The following CFAP95 variants were observed in gnomAD, a reference collection of about 807,000 sequenced individuals.
The protein encoded by CFAP95 is cilia- and flagella-associated protein 95.
the CFAP95 span, among the ~76,000 whole-genome samples, chr9:69,883,796 A>C: frequency 6.7e-6 from 1 of 149,478 alleles, no homozygotes; most frequent in Non-Finnish European, 1.5e-5. Flanking sequence ...GTCTGGCTAA[A>C]GGTTTGTCAA....
chr9:69,821,029 C>A, the CFAP95 span: 4 of 1,613,056 alleles, frequency 2.5e-6, no homozygotes, highest in East Asian at 8.9e-5. Flanking sequence ...TGGTGTATTC[C>A]TGGTGAGCGA....
the CFAP95 span, among the ~76,000 whole-genome samples, chr9:69,848,137 A>C: frequency 6.6e-5 from 10 of 152,210 alleles, no homozygotes; most frequent in Non-Finnish European, 1.2e-4. Flanking sequence ...GAAGTTAGAC[A>C]CAAGACTCTG....
chr9:69,883,880 C>A, the CFAP95 span, among the ~76,000 whole-genome samples: 9 of 151,232 alleles, frequency 6.0e-5, no homozygotes, highest in East Asian at 1.4e-3. Context: ...ATTTCAAATT[C>A]ATTTATTTCT....
At chr9:69,837,077 T>G in the CFAP95 span, among the ~76,000 whole-genome samples, 8 of 150,786 alleles carry the variant, frequency 5.3e-5, no homozygotes, top group Non-Finnish European at 1.2e-4. Flanking sequence ...TTTTTATGGC[T>G]GCATAGTATT....
chr9:69,854,753 G>T, the CFAP95 span, among the ~76,000 whole-genome samples: 1 of 152,206 alleles, frequency 6.6e-6, no homozygotes, highest in African/African-American at 2.4e-5. Flanking sequence ...GGAGGAGAGG[G>T]AGCTTGGACA....
the CFAP95 span, among the ~76,000 whole-genome samples, chr9:69,832,009 G>T: frequency 6.6e-6 from 1 of 152,132 alleles, no homozygotes; most frequent in African/African-American, 2.4e-5. Flanking sequence ...CATGTATCTA[G>T]CGTCAACACA....
the CFAP95 span, among the ~76,000 whole-genome samples, chr9:69,861,743 A>AC: frequency 2.0e-5 from 3 of 150,970 alleles, no homozygotes; most frequent in African/African-American, 7.4e-5. Flanking sequence ...AAAAAAAAAA[A>AC]AAAAAAAAAA....
the CFAP95 span, among the ~76,000 whole-genome samples, chr9:69,898,870 C>T: frequency 6.6e-6 from 1 of 151,922 alleles, no homozygotes; most frequent in Non-Finnish European, 1.5e-5. Context: ...CATTTCCCCC[C>T]TAAAACAAAT....
chr9:69,849,686 A>G, the CFAP95 span, among the ~76,000 whole-genome samples: 1 of 152,126 alleles, frequency 6.6e-6, no homozygotes, highest in East Asian at 1.9e-4. Flanking sequence ...TCCTAAAGGA[A>G]CCATCTCTTG....
At chr9:69,901,921 A>T in the CFAP95 span, among the ~76,000 whole-genome samples, 1 of 152,082 alleles carries the variant, frequency 6.6e-6, no homozygotes, top group Non-Finnish European at 1.5e-5. Flanking sequence ...GTTTTGATTC[A>T]CATTTCTCTG....
chr9:69,886,833 C>T, the CFAP95 span: 2 of 1,611,416 alleles, frequency 1.2e-6, no homozygotes, highest in Non-Finnish European at 1.7e-6. Flanking sequence ...ACTTATCCCT[C>T]TTAGGTGTGC....
the CFAP95 span, among the ~76,000 whole-genome samples, chr9:69,901,875 G>A: frequency 9.2e-5 from 14 of 152,012 alleles, no homozygotes; most frequent in Admixed American, 3.9e-4. Context: ...TTTAATGATC[G>A]CCATTCTAAC....
chr9:69,863,638 A>G, the CFAP95 span, among the ~76,000 whole-genome samples: 2 of 152,186 alleles, frequency 1.3e-5, no homozygotes, highest in African/African-American at 2.4e-5. Context: ...TCTAGGAAGT[A>G]AGGTTTTCCA....
At chr9:69,864,434 C>T in the CFAP95 span, among the ~76,000 whole-genome samples, 2 of 152,010 alleles carry the variant, frequency 1.3e-5, no homozygotes, top group African/African-American at 4.8e-5. Context: ...AAACCTGCTA[C>T]GTGACTGTGT....
the CFAP95 span, among the ~76,000 whole-genome samples, chr9:69,825,087 T>C: frequency 6.6e-6 from 1 of 152,228 alleles, no homozygotes; most frequent in African/African-American, 2.4e-5. Context: ...TTGGTCATAA[T>C]TGTTAGCTTT....
At chr9:69,881,079 G>C in the CFAP95 span, among the ~76,000 whole-genome samples, 2 of 152,116 alleles carry the variant, frequency 1.3e-5, no homozygotes, top group African/African-American at 2.4e-5. Flanking sequence ...TTGTCAGATG[G>C]GTAGTTTGTA....
chr9:69,899,327 C>T, the CFAP95 span, among the ~76,000 whole-genome samples: 1 of 152,204 alleles, frequency 6.6e-6, no homozygotes, highest in Non-Finnish European at 1.5e-5. Flanking sequence ...CTGCAACTCA[C>T]GTATGCAGAG....
At chr9:69,887,378 G>T in the CFAP95 span, among the ~76,000 whole-genome samples, 1 of 152,118 alleles carries the variant, frequency 6.6e-6, no homozygotes, top group Non-Finnish European at 1.5e-5. Flanking sequence ...ATCTTAACCA[G>T]GGCAGTAGAC....
chr9:69,865,845 A>G, the CFAP95 span, among the ~76,000 whole-genome samples: 2 of 152,272 alleles, frequency 1.3e-5, no homozygotes, highest in South Asian at 4.2e-4. Flanking sequence ...TAAGTACATG[A>G]TGCTTATTAT....
Sources: gnomAD v4.1 joint callset for allele counts (sites outside exome capture counted in the v4.1 genomes callset) on GRCh38, gnomAD v4.1.1 for gene constraint, MANE v1.5 for transcripts, NCBI Gene and HGNC (gene_info 2026-07-23, HGNC 2026-07-21) for gene names.